The following CCNY variants were observed in gnomAD, a reference collection of about 807,000 sequenced individuals.
The protein encoded by CCNY is cyclin Y.
Under a neutral mutation model 42.8 loss-of-function variants are expected in CCNY, and 19 were observed. The observed-to-expected ratio is 0.44, with a 90% confidence interval of 0.31 to 0.65. The LOEUF (loss-of-function observed/expected upper bound fraction) is 0.65. Ranked by LOEUF, CCNY falls within the 30% of genes least tolerant of loss-of-function variation. The pLI, the probability that CCNY is intolerant of heterozygous loss-of-function variation, is 0.07. For missense variants in CCNY, 370 were observed against 437.3 expected (o/e 0.85, Z 1.37); for synonymous variants, 165 against 162.7 (o/e 1.01, Z -0.11).
chr10:35,381,062 G>A (rs1837172847), intron 1 of CCNY, among the ~76,000 whole-genome samples: 1 of 152,160 alleles, frequency 6.6e-6, no homozygotes, highest in African/African-American at 2.4e-5. Context: ...CATTGTCTGT[G>A]GAGGATTTAA....
intron 7 of CCNY, among the ~76,000 whole-genome samples, chr10:35,532,328 C>T (rs1174834919): frequency 6.6e-6 from 1 of 152,216 alleles, no homozygotes; most frequent in Non-Finnish European, 1.5e-5. Context: ...CTTATTTTCA[C>T]TGGGCATGTG....
At chr10:35,511,294 T>C (rs1840320292) in intron 3 of CCNY, among the ~76,000 whole-genome samples, 1 of 152,000 alleles carries the variant, frequency 6.6e-6, no homozygotes, top group Non-Finnish European at 1.5e-5. Context: ...ACACCTGCAG[T>C]CTAGACCCCG....
At chr10:35,377,967 T>C (rs1464538108) in intron 1 of CCNY, among the ~76,000 whole-genome samples, 1 of 152,202 alleles carries the variant, frequency 6.6e-6, no homozygotes, top group Non-Finnish European at 1.5e-5. Flanking sequence ...ACAGATGTGA[T>C]TGGAAAAGAA....
intron 2 of CCNY, among the ~76,000 whole-genome samples, chr10:35,485,095 A>G (rs1208038084): frequency 6.6e-6 from 1 of 152,234 alleles, no homozygotes; most frequent in Non-Finnish European, 1.5e-5. Flanking sequence ...TCTACTCAAC[A>G]TGTAAACATA....
chr10:35,319,892 G>A (rs911715444), intron 3 of CCNY, among the ~76,000 whole-genome samples: 1 of 152,098 alleles, frequency 6.6e-6, no homozygotes, highest in Admixed American at 6.6e-5. Context: ...AAAGGCTGCA[G>A]TAAGCTGAGA....
At chr10:35,508,187 C>T (rs1304835079) in intron 3 of CCNY, among the ~76,000 whole-genome samples, 1 of 152,172 alleles carries the variant, frequency 6.6e-6, no homozygotes, top group Non-Finnish European at 1.5e-5. Flanking sequence ...ATACTTCTCT[C>T]CCTTTGTCAG....
chr10:35,418,182 A>T (rs980851598), intron 1 of CCNY, among the ~76,000 whole-genome samples: 46 of 152,304 alleles, frequency 3.0e-4, no homozygotes, highest in South Asian at 1.2e-3. Context: ...AGGGCTTGTG[A>T]ATATCAACAG....
At chr10:35,499,317 T>C (rs1840064687) in intron 2 of CCNY, among the ~76,000 whole-genome samples, 1 of 152,114 alleles carries the variant, frequency 6.6e-6, no homozygotes, top group South Asian at 2.1e-4. Flanking sequence ...GAAGAGGGCT[T>C]GTGCAGAGAA....
intron 1 of CCNY, among the ~76,000 whole-genome samples, chr10:35,365,759 G>C (rs1466287674): frequency 1.3e-5 from 2 of 152,138 alleles, no homozygotes; most frequent in Non-Finnish European, 2.9e-5. Context: ...GGCTATAAAA[G>C]GTATTAACCT....
At chr10:35,333,648 A>AATGGG (rs1835971981), upstream of CCNY, among the ~76,000 whole-genome samples, 1 of 152,222 alleles carries the variant, frequency 6.6e-6, no homozygotes, top group Non-Finnish European at 1.5e-5. Flanking sequence ...TACTTATCAA[A>AATGGG]GTGTCTATTT....
intron 1 of CCNY, among the ~76,000 whole-genome samples, chr10:35,348,531 A>C (rs1425433822): frequency 1.3e-5 from 2 of 152,232 alleles, no homozygotes; most frequent in Non-Finnish European, 2.9e-5. Flanking sequence ...CGTCACTCAC[A>C]GTACGAAGCT....
At chr10:35,342,415 T>C (rs577085956) in intron 1 of CCNY, among the ~76,000 whole-genome samples, 5 of 152,322 alleles carry the variant, frequency 3.3e-5, no homozygotes, top group South Asian at 2.1e-4. Context: ...TGTGACTTCA[T>C]ATTAGTTAGC....
chr10:35,421,738 G>A lies in CCNY; in HGVS notation c.155-61666G>A, dbSNP rs74591856. The stretch of plus-strand genomic sequence containing the variant: ...GATGCCGTTCCCTACAGCTCATCCT[G>A]CTTGTTTTCACTTACTTTCCTGTTT... On this transcript the variant is annotated intron_variant, in intron 1 of 9. Transcript: ENST00000374704. Among the ~76,000 whole-genome samples, 128 of 152,166 alleles carry A rather than the reference G, an allele frequency of 8.4e-4. 1 individual carries two copies. In the East Asian group the frequency reaches 0.024, roughly 28 times the overall value.
intron 2 of CCNY, among the ~76,000 whole-genome samples, chr10:35,495,968 A>G (rs577345049): frequency 3.3e-5 from 5 of 152,346 alleles, no homozygotes; most frequent in African/African-American, 9.6e-5. Context: ...CAAATTTACT[A>G]TAAGAAAAGT....
intron 1 of CCNY, among the ~76,000 whole-genome samples, chr10:35,473,771 A>G (rs1190256108): frequency 6.6e-6 from 1 of 152,210 alleles, no homozygotes. Context: ...CATCATAAAA[A>G]TGTGTTCCTT....
intron 1 of CCNY, among the ~76,000 whole-genome samples, chr10:35,386,004 GT>G (rs1201127122): frequency 6.7e-5 from 10 of 149,242 alleles, no homozygotes; most frequent in African/African-American, 1.7e-4. Context: ...TTGTCTTTCT[GT>G]TTTTTTTTTC....
At chr10:35,466,825 TGTG>T (rs1239173525) in intron 1 of CCNY, among the ~76,000 whole-genome samples, 3 of 152,158 alleles carry the variant, frequency 2.0e-5, no homozygotes, top group Admixed American at 6.5e-5. Context: ...CAGGCTGGAA[TGTG>T]GTGGCACAGC....
In CCNY at chr10:35,522,865, A is replaced by G. The variant is rs574254448; in HGVS notation, c.366-3099A>G. ...ATACCCTTAGACCCAGAGTCCCAGGACATGTTTGCCTTCACCGGTGAGGCC... is the reference window on the plus strand; with the variant it reads ...ATACCCTTAGACCCAGAGTCCCAGGGCATGTTTGCCTTCACCGGTGAGGCC... On this transcript the variant is annotated intron_variant, in intron 4 of 9. Transcript: ENST00000374704. Among the ~76,000 whole-genome samples the G allele has an allele frequency of 8.5e-5, 13 of 152,320 alleles. No individual in the cohort carries two copies. The South Asian group carries it at 2.1e-3, about 24-fold the overall frequency.
At chr10:35,345,591 C>T (rs1836284880) in intron 1 of CCNY, among the ~76,000 whole-genome samples, 2 of 152,020 alleles carry the variant, frequency 1.3e-5, no homozygotes, top group African/African-American at 2.4e-5. Context: ...GAATGTGGTA[C>T]TCATATTGAT....
Sources: allele counts gnomAD v4.1 joint callset (sites outside exome capture counted in the v4.1 genomes callset), GRCh38; gene constraint gnomAD v4.1.1; transcripts MANE v1.5; gene names NCBI Gene and HGNC (gene_info 2026-07-23, HGNC 2026-07-21).